SNX25: variants seen among roughly 807,000 people sequenced by gnomAD.
The protein encoded by SNX25 is sorting nexin 25.
Under a neutral mutation model 113.7 loss-of-function variants are expected in SNX25, and 62 were observed. The ratio of observed to expected loss-of-function variants is 0.55; its 90% CI spans 0.44 to 0.67. The LOEUF is 0.67. Among genes scored for constraint, SNX25 ranks in the 30% least tolerant of loss-of-function variants. SNX25 has a pLI of 0.00. For missense variants in SNX25, 1,014 were observed against 1,161.0 expected (o/e 0.87, Z 1.84); for synonymous variants, 421 against 436.2 (o/e 0.97, Z 0.43).
chr4:185,206,514 C>T (rs1034842063), upstream of SNX25, among the ~76,000 whole-genome samples: 2 of 151,816 alleles, frequency 1.3e-5, no homozygotes, highest in Non-Finnish European at 2.9e-5. Context: ...AAAAAATTAG[C>T]CAGGCATGCT....
chr4:185,221,308 C>T (rs527889895), intron 1 of SNX25, among the ~76,000 whole-genome samples: 12 of 152,100 alleles, frequency 7.9e-5, no homozygotes, highest in African/African-American at 1.9e-4. Flanking sequence ...GCTGGAATTA[C>T]AGGTGTGAGC....
At chr4:185,254,702 T>C (rs1343202224) in intron 2 of SNX25, among the ~76,000 whole-genome samples, 1 of 152,228 alleles carries the variant, frequency 6.6e-6, no homozygotes, top group Non-Finnish European at 1.5e-5. Flanking sequence ...TAACTAAAAC[T>C]AAAGTTCCAA....
intron 5 of SNX25, among the ~76,000 whole-genome samples, chr4:185,285,854 C>T (rs1296994697): frequency 6.6e-6 from 1 of 152,082 alleles, no homozygotes; most frequent in African/African-American, 2.4e-5. Flanking sequence ...CTCACTGCAA[C>T]CTCAACCACC....
intron 2 of SNX25, among the ~76,000 whole-genome samples, chr4:185,247,964 A>G (rs1270240649): frequency 2.0e-5 from 3 of 152,246 alleles, no homozygotes; most frequent in Admixed American, 2.0e-4. Context: ...TCAAATTTCT[A>G]AAAACATTGA....
At chr4:185,332,169 A>T (rs2095199983) in intron 9 of SNX25, among the ~76,000 whole-genome samples, 1 of 152,254 alleles carries the variant, frequency 6.6e-6, no homozygotes, top group South Asian at 2.1e-4. Context: ...TCATGGGAAT[A>T]TGGTAATTTT....
rs577211703 is a variant in SNX25, at chr4:185,334,263, G to A, written c.1914+1504G>A. Among the ~76,000 whole-genome samples, 12 of 152,236 alleles carry A rather than the reference G, an allele frequency of 7.9e-5. No homozygotes were observed. In the South Asian group the frequency reaches 8.3e-4, roughly 11 times the overall value. Reference sequence around the variant, plus strand: ...TGAGGCAGGAGAATCTCTTGAACCCGGGAGGCAGAAGTTGCGTGAGCCAAG... The same window carrying A: ...TGAGGCAGGAGAATCTCTTGAACCCAGGAGGCAGAAGTTGCGTGAGCCAAG... On this transcript the variant is annotated intron_variant, in intron 10 of 18. Transcript: ENST00000652585. This position sits in a 1 kb window ranked among gnomAD's most constrained non-coding sequence, Gnocchi z 4.2.
At chr4:185,373,016 G>A (rs1197801310), downstream of SNX25, 2 of 1,613,480 alleles carry the variant, frequency 1.2e-6, no homozygotes, top group Admixed American at 3.3e-5. Flanking sequence ...AAGTACATGA[G>A]CCCAAGTGCA....
chr4:185,310,250 A>G (rs1181871539), intron 6 of SNX25, among the ~76,000 whole-genome samples: 4 of 152,206 alleles, frequency 2.6e-5, no homozygotes, highest in African/African-American at 9.6e-5. Context: ...TTGGTCTTCA[A>G]TCTCAAAAGC....
intron 1 of SNX25, among the ~76,000 whole-genome samples, chr4:185,224,502 AATAT>A (rs1290401253): frequency 4.0e-4 from 52 of 130,966 alleles, no homozygotes; most frequent in East Asian, 1.5e-3. Flanking sequence ...TAGATATATA[AATAT>A]ATAGATATAT....
chr4:185,375,500 A>ATATATATATG, the SNX25 span: 1 of 61,286 alleles, frequency 1.6e-5, no homozygotes, highest in African/African-American at 1.1e-4. Context: ...ATATATATAT[A>ATATATATATG]TATATATATA....
At chr4:185,212,463 ATGTGTG>A (rs1553980506) in intron 1 of SNX25, among the ~76,000 whole-genome samples, 18 of 119,386 alleles carry the variant, frequency 1.5e-4, no homozygotes, top group Non-Finnish European at 2.3e-4. Context: ...AATTTGTGTG[ATGTGTG>A]TGTGTGTGTG....
In SNX25 at chr4:185,339,484, T is replaced by C; in HGVS notation, c.2020T>C (p.Trp674Arg). The C allele has an allele frequency of 6.2e-7, 1 of 1,614,036 alleles. No homozygotes were observed. Among genetic ancestry groups the C allele is most frequent in the Non-Finnish European group, 8.5e-7 (1 of 1,179,900 alleles). The change falls in exon 11 of 19, where the codon TGG (tryptophan) becomes CGG (arginine). Residue 674 changes from tryptophan (W) to arginine (R), a missense_variant. Trp to Arg is a moderately radical substitution (Grantham distance 101). Coordinates refer to ENST00000652585, the MANE Select transcript of SNX25 (RefSeq NM_001378034.2). Reference sequence around the variant, plus strand: ...TTGGTGGTGTGAAAACCTTGGCATGTGGAAAGCCTCCATCACCAGTGGAGA... The same window carrying C: ...TTGGTGGTGTGAAAACCTTGGCATGCGGAAAGCCTCCATCACCAGTGGAGA... ...TDWWCENLGMWKASITSGEVT... is the reference protein window; with the variant it reads ...TDWWCENLGMRKASITSGEVT...
At chr4:185,322,191 G>A (rs1427432789) in intron 8 of SNX25, among the ~76,000 whole-genome samples, 1 of 152,240 alleles carries the variant, frequency 6.6e-6, no homozygotes, top group East Asian at 1.9e-4. Context: ...CCAGCACTTT[G>A]GGAGGCCAAG....
chr4:185,225,729 A>G (rs1740903183), intron 1 of SNX25, among the ~76,000 whole-genome samples: 1 of 152,164 alleles, frequency 6.6e-6, no homozygotes, highest in Non-Finnish European at 1.5e-5. Flanking sequence ...TACGTTACCC[A>G]GTTTAATTCT....
At chr4:185,344,683 C>T (rs1049724998) in intron 12 of SNX25, among the ~76,000 whole-genome samples, 2 of 152,164 alleles carry the variant, frequency 1.3e-5, no homozygotes, top group African/African-American at 4.8e-5. Context: ...CGGTTTGAAG[C>T]CACGCTGCTC....
At chr4:185,299,214 G>A (rs545863817) in intron 6 of SNX25, among the ~76,000 whole-genome samples, 24 of 152,294 alleles carry the variant, frequency 1.6e-4, no homozygotes, top group African/African-American at 5.3e-4. Flanking sequence ...TGGGTGGATG[G>A]CGGCACATGC....
chr4:185,266,536 T>G (rs1748112152), intron 4 of SNX25, among the ~76,000 whole-genome samples: 1 of 152,028 alleles, frequency 6.6e-6, no homozygotes, highest in South Asian at 2.1e-4. Flanking sequence ...AATTTTTGTG[T>G]TTTTGGTAGA....
downstream of SNX25, among the ~76,000 whole-genome samples, chr4:185,368,908 C>T (rs2095403501): frequency 6.6e-6 from 1 of 151,658 alleles, no homozygotes; most frequent in Non-Finnish European, 1.5e-5. Context: ...ATTCTCATGC[C>T]TCAGCCTCCC....
rs2126522845 is a variant in SNX25 at position 185,258,911 on chromosome 4, G to C, written c.578G>C (p.Gly193Ala). 6.2e-7 allele frequency: 1 copy of C among 1,614,122 alleles called. No homozygotes were observed. Among genetic ancestry groups the C allele is most frequent in the Non-Finnish European group, 8.5e-7 (1 of 1,180,014 alleles). The change falls in exon 3 of 19, where the codon GGA becomes GCA. Residue 193 changes from glycine to alanine, a missense_variant. Physicochemically the swap from Gly to Ala is moderately conservative, Grantham distance 60. Transcript: ENST00000652585. ...SWYGNLSRDE[G>A]QLYHLLLEDF... ...TATGGAAACCTCAGCAGAGATGAGGGACAACTTTACCATCTGCTCTTGGAA... is the reference window on the plus strand; with the variant it reads ...TATGGAAACCTCAGCAGAGATGAGGCACAACTTTACCATCTGCTCTTGGAA...
Sources: allele counts gnomAD v4.1 joint callset (sites outside exome capture counted in the v4.1 genomes callset), GRCh38; gene constraint gnomAD v4.1.1; non-coding constraint Gnocchi (gnomAD v3.1); transcripts MANE v1.5; gene names NCBI Gene and HGNC (gene_info 2026-07-23, HGNC 2026-07-21).